The following CDC20B variants were observed in gnomAD, a reference collection of about 807,000 sequenced individuals.
CDC20B encodes cell division cycle protein 20 homolog B.
A neutral mutation model predicts 64.1 loss-of-function variants in CDC20B; 58 were observed. That is an observed-to-expected ratio of 0.90 (90% confidence interval 0.73 to 1.13). The LOEUF (loss-of-function observed/expected upper bound fraction) is 1.13, where lower values mean the gene tolerates loss of function less well. Among genes scored for constraint, CDC20B ranks in the 50% most tolerant of loss-of-function variants. The pLI, the probability that CDC20B is intolerant of heterozygous loss-of-function variation, is 0.00. For missense variants in CDC20B, 597 were observed against 633.0 expected, an observed-to-expected ratio of 0.94 and a Z score of 0.61; for synonymous variants, 243 against 230.6, an observed-to-expected ratio of 1.05 and a Z score of -0.49.
rs1043251196 is a variant in CDC20B, at chr5:55,153,324, T to A, written c.127-6468A>T. 2.8e-5 allele frequency among the ~76,000 whole-genome samples: 4 copies of A among 144,706 alleles called. No individual in the cohort carries two copies. The South Asian group carries it at 8.9e-4, about 32-fold the overall frequency. The allele number at this position is 144,706 out of a possible 152,430, so 94.9% of individuals were successfully genotyped here. On this transcript the variant is annotated intron_variant, in intron 2 of 11. Coordinates refer to ENST00000381375, the MANE Select transcript of CDC20B (RefSeq NM_001170402.1). ...TTTCTGCAGAAATTAGAGAATGAGA[T>A]AAATGAAACAACAAAAGTGTATCTG...
At chr5:55,140,201 A>C (rs938289593) in intron 5 of CDC20B, 113 bp downstream of exon 5, 4 of 547,718 alleles carry the variant, frequency 7.3e-6, no homozygotes, top group Non-Finnish European at 9.2e-6. Context: ...TTTTACAATT[A>C]GGTTGATTTA....
At chr5:55,160,863 C>A in intron 2 of CDC20B, 1 of 993,908 alleles carries the variant, frequency 1.0e-6, no homozygotes, top group Non-Finnish European at 1.4e-6. Context: ...CTGTGTATGT[C>A]CAAAAATATG....
At chr5:55,150,945 C>T (rs1373559834) in intron 2 of CDC20B, among the ~76,000 whole-genome samples, 1 of 152,110 alleles carries the variant, frequency 6.6e-6, no homozygotes, top group Non-Finnish European at 1.5e-5. Context: ...GGGGTTTCAC[C>T]ATGTTGCCCA....
At chr5:55,118,992 C>G (rs1298636919) in intron 11 of CDC20B, among the ~76,000 whole-genome samples, 2 of 152,196 alleles carry the variant, frequency 1.3e-5, no homozygotes, top group Admixed American at 1.3e-4. Flanking sequence ...CTCTTGTTCA[C>G]CTGTGTATCC....
In CDC20B at chr5:55,119,783, A is replaced by T; in HGVS notation, c.1459+18T>A. Reference sequence around the variant, plus strand: ...CTTTGCTATAGGTGCATGGCATTTTACTCACCCATTTGCTTACCAAAAAAC... The same window carrying T: ...CTTTGCTATAGGTGCATGGCATTTTTCTCACCCATTTGCTTACCAAAAAAC... On this transcript the variant is annotated intron_variant, in intron 11 of 11. Transcript: ENST00000381375. The T allele has an allele frequency of 1.4e-6, 2 of 1,453,962 alleles. No homozygotes were observed. The highest frequency in any genetic ancestry group is 9.7e-7 in the Non-Finnish European group (1 of 1,034,360). The allele number at this position is 1,453,962 out of a possible 1,614,324, so 90.1% of individuals were successfully genotyped here. A position where few individuals can be genotyped will look rare whatever the true frequency, so the allele number is the denominator to read the frequency against.
At chr5:55,128,681 C>T (rs1197616676) in intron 6 of CDC20B, 64 bp from the exon 7 acceptor site, 1 of 1,223,590 alleles carries the variant, frequency 8.2e-7, no homozygotes, top group Non-Finnish European at 1.1e-6. Context: ...TTCAAATAAA[C>T]AACTTTATAG....
In CDC20B at chr5:55,114,399, G is replaced by A. The variant is rs1742578594; in HGVS notation, c.1460-81C>T. ...CAGGACTGTAGGCAATGTAAGTTGG[G>A]GCCATGAGTCCCATCCCAGGATAAA... On this transcript the variant is annotated intron_variant, in intron 11 of 11. Coordinates refer to ENST00000381375, the MANE Select transcript of CDC20B (RefSeq NM_001170402.1). This position sits in a 1 kb window ranked among gnomAD's most constrained non-coding sequence, Gnocchi z 4.1. The A allele has an allele frequency of 6.5e-7, 1 of 1,537,446 alleles. No individual in the cohort carries two copies. The highest frequency in any genetic ancestry group is 8.8e-7 in the Non-Finnish European group (1 of 1,140,770).
intron 11 of CDC20B, among the ~76,000 whole-genome samples, chr5:55,116,927 G>A (rs1742637978): frequency 6.6e-6 from 1 of 152,150 alleles, no homozygotes; most frequent in Non-Finnish European, 1.5e-5. Flanking sequence ...TCACATCAGT[G>A]ACAATCTTAA....
At chr5:55,146,043 C>A (rs1314327065) in intron 3 of CDC20B, among the ~76,000 whole-genome samples, 4 of 152,064 alleles carry the variant, frequency 2.6e-5, no homozygotes, top group African/African-American at 9.7e-5. Context: ...ACAATCTTTA[C>A]AAAAGTAATC....
intron 2 of CDC20B, among the ~76,000 whole-genome samples, chr5:55,148,733 A>G (rs1176720446): frequency 5.3e-5 from 8 of 152,206 alleles, no homozygotes; most frequent in Non-Finnish European, 4.4e-5. Flanking sequence ...GAAATCTAAG[A>G]TATGAGCCAA....
chr5:55,145,537 G>A (rs546386478), intron 3 of CDC20B, among the ~76,000 whole-genome samples: 15 of 152,340 alleles, frequency 9.8e-5, no homozygotes, highest in African/African-American at 3.6e-4. Context: ...GTGCCCAAAT[G>A]AGAATTACAT....
chr5:55,114,016 A>G lies in CDC20B; in HGVS notation c.*202T>C. The G allele has an allele frequency of 2.2e-6, 2 of 896,224 alleles. No individual in the cohort carries two copies. Among genetic ancestry groups the G allele is most frequent in the Non-Finnish European group, 3.2e-6 (2 of 634,374 alleles). The allele number at this position is 896,224 out of a possible 1,614,324, so 55.5% of individuals were successfully genotyped here. A position where few individuals can be genotyped will look rare whatever the true frequency, so the allele number is the denominator to read the frequency against. On this transcript the variant is annotated 3_prime_UTR_variant, in exon 12 of 12. Transcript: ENST00000381375. This position sits in a 1 kb window ranked among gnomAD's most constrained non-coding sequence, Gnocchi z 4.1. ...GGGGAGGAAGAGGGGCAGAAAGAAG[A>G]AAGCAGAGAAGAAAAGAAGCGGATC... is the stretch of plus-strand genomic sequence containing the variant.
intron 11 of CDC20B, among the ~76,000 whole-genome samples, chr5:55,116,914 C>G (rs1395577839): frequency 6.6e-6 from 1 of 152,172 alleles, no homozygotes; most frequent in Non-Finnish European, 1.5e-5. Context: ...TGAAGTTTTT[C>G]TCTCACATCA....
At chr5:55,136,910 AAG>A (rs1202697041) in intron 5 of CDC20B, 1 of 152,264 alleles carries the variant, frequency 6.6e-6, no homozygotes. Flanking sequence ...TTGGGAGGCC[AAG>A]CACAGTGGCT....
intron 2 of CDC20B, among the ~76,000 whole-genome samples, chr5:55,156,148 A>T (rs571611011): frequency 6.6e-6 from 1 of 152,080 alleles, no homozygotes; most frequent in South Asian, 2.1e-4. Flanking sequence ...GTGCTGAAGA[A>T]CTCCCATTTA....
chr5:55,144,654 C>T (rs986865295), intron 3 of CDC20B, among the ~76,000 whole-genome samples: 1 of 152,210 alleles, frequency 6.6e-6, no homozygotes. Context: ...TGCATGCTTG[C>T]TTTCTTGTGC....
intron 2 of CDC20B, chr5:55,172,355 T>A (rs1744629017): frequency 8.2e-6 from 4 of 485,516 alleles, no homozygotes; most frequent in Non-Finnish European, 1.5e-5. Flanking sequence ...CATCCCAGCT[T>A]TATCCTTTGC....
chr5:55,128,715 TC>T (rs2111828076), intron 6 of CDC20B, 98 bp from the exon 7 acceptor site: 3 of 816,558 alleles, frequency 3.7e-6, no homozygotes, highest in Non-Finnish European at 5.3e-6. Flanking sequence ...AATAATACCA[TC>T]CCCATGGTTA....
At chr5:55,140,604 A>G (rs544815467) in intron 4 of CDC20B, among the ~76,000 whole-genome samples, 197 bp from the exon 5 acceptor site, 10 of 152,330 alleles carry the variant, frequency 6.6e-5, no homozygotes, top group South Asian at 2.1e-4. Context: ...AGCATTTTAC[A>G]TATATTATTT....
Sources: allele counts gnomAD v4.1 joint callset (sites outside exome capture counted in the v4.1 genomes callset), GRCh38; gene constraint gnomAD v4.1.1; non-coding constraint Gnocchi (gnomAD v3.1); transcripts MANE v1.5; gene names NCBI Gene and HGNC (gene_info 2026-07-23, HGNC 2026-07-21).